Variants in KLF12 observed in about 807,000 individuals in gnomAD.
KLF12 encodes Krueppel-like factor 12.
KLF12 carries 9 observed loss-of-function variants against 37.8 expected under a neutral mutation model. The observed-to-expected ratio is 0.24, with a 90% confidence interval of 0.14 to 0.42. The LOEUF (loss-of-function observed/expected upper bound fraction) is 0.42, where lower values mean the gene tolerates loss of function less well. KLF12 is among the 10% of genes least tolerant of loss of function. The pLI, the probability that KLF12 is intolerant of heterozygous loss-of-function variation, is 1.00. For synonymous variants in KLF12, 208 were observed against 202.1 expected (o/e 1.03, Z -0.25); for missense variants, 411 against 516.0 (o/e 0.80, Z 1.97).
At chr13:73,718,101 C>T (rs1381254886) in intron 6 of KLF12, among the ~76,000 whole-genome samples, 2 of 152,174 alleles carry the variant, frequency 1.3e-5, no homozygotes, top group Non-Finnish European at 2.9e-5. Context: ...ATTTTCCACA[C>T]ATGAATATAA....
chr13:73,862,132 CT>C (rs1389853967), intron 3 of KLF12, among the ~76,000 whole-genome samples: 1 of 150,100 alleles, frequency 6.7e-6, no homozygotes, highest in Non-Finnish European at 1.5e-5. Flanking sequence ...CAGTTGTGAT[CT>C]CTAAATTCAC....
At chr13:73,871,235 A>C (rs141903941) in intron 3 of KLF12, among the ~76,000 whole-genome samples, 62 of 152,290 alleles carry the variant, frequency 4.1e-4, no homozygotes, top group East Asian at 7.7e-4. Flanking sequence ...TAGTACTCGC[A>C]ACAGCAGCAG....
At chr13:73,979,830 T>C (rs888189491) in intron 2 of KLF12, among the ~76,000 whole-genome samples, 6 of 152,278 alleles carry the variant, frequency 3.9e-5, no homozygotes, top group Non-Finnish European at 2.9e-5. Flanking sequence ...TATTTAGAGA[T>C]AGGGACTTCA....
At chr13:74,215,399 C>T in the KLF12 span, among the ~76,000 whole-genome samples, 1 of 147,324 alleles carries the variant, frequency 6.8e-6, no homozygotes, top group African/African-American at 2.5e-5. Flanking sequence ...TTAAAACAAC[C>T]CTACCATATT....
At chr13:73,697,682 A>G (rs1874247423) in intron 7 of KLF12, among the ~76,000 whole-genome samples, 1 of 152,200 alleles carries the variant, frequency 6.6e-6, no homozygotes, top group Non-Finnish European at 1.5e-5. Context: ...GAGCTGAGCT[A>G]GTTGGATGTT....
intron 3 of KLF12, among the ~76,000 whole-genome samples, chr13:73,899,768 T>TAAGG (rs1887954999): frequency 6.6e-6 from 1 of 152,176 alleles, no homozygotes; most frequent in South Asian, 2.1e-4. Context: ...CTCCAGGTTC[T>TAAGG]CTGGCCTTTG....
chr13:74,113,730 A>G lies in KLF12; in HGVS notation c.-32+20009T>C, dbSNP rs1877117005. The stretch of plus-strand genomic sequence containing the variant: ...ACAACATCCTTTCTGCAGCCCAAGG[A>G]TCAAGGAGTTACCTCAACTTTCCTT... On this transcript the variant is annotated intron_variant, in intron 1 of 7. Coordinates refer to ENST00000377669, the MANE Select transcript of KLF12 (RefSeq NM_007249.5). Among the ~76,000 whole-genome samples the G allele has an allele frequency of 2.6e-5, 4 of 152,228 alleles. No homozygotes were observed. In the South Asian group the frequency reaches 8.3e-4, roughly 31 times the overall value.
intron 5 of KLF12, among the ~76,000 whole-genome samples, chr13:73,784,388 C>T (rs1881173487): frequency 6.6e-6 from 1 of 152,230 alleles, no homozygotes; most frequent in East Asian, 1.9e-4. Flanking sequence ...CACATCACTT[C>T]TCTATAAACC....
At chr13:73,788,695 TCA>T (rs2138250045) in intron 5 of KLF12, among the ~76,000 whole-genome samples, 2 of 152,282 alleles carry the variant, frequency 1.3e-5, no homozygotes, top group Non-Finnish European at 2.9e-5. Flanking sequence ...TGCTTTTATC[TCA>T]GTTTTCATTT....
chr13:74,022,112 A>G (rs1021479834), intron 1 of KLF12, among the ~76,000 whole-genome samples: 3 of 152,172 alleles, frequency 2.0e-5, no homozygotes, highest in Non-Finnish European at 4.4e-5. Flanking sequence ...TACTGTCATT[A>G]TGAAGGAAAT....
intron 3 of KLF12, among the ~76,000 whole-genome samples, chr13:73,897,199 T>TA (rs1371726155): frequency 1.9e-4 from 27 of 139,908 alleles, no homozygotes; most frequent in East Asian, 5.8e-4. Context: ...GATGAAAAAT[T>TA]TAAAAAAAAA....
intron 1 of KLF12, among the ~76,000 whole-genome samples, chr13:73,995,638 C>T (rs1892091990): frequency 6.6e-6 from 1 of 152,036 alleles, no homozygotes; most frequent in Non-Finnish European, 1.5e-5. Flanking sequence ...TAATATATGT[C>T]CCTTCTTTTA....
At chr13:73,979,368 CACA>C (rs1314687025) in intron 2 of KLF12, among the ~76,000 whole-genome samples, 1 of 150,052 alleles carries the variant, frequency 6.7e-6, no homozygotes, top group East Asian at 1.9e-4. Flanking sequence ...CACACACACA[CACA>C]CACACACACA....
At chr13:73,970,795 T>C (rs954977835) in intron 2 of KLF12, among the ~76,000 whole-genome samples, 1 of 152,226 alleles carries the variant, frequency 6.6e-6, no homozygotes, top group African/African-American at 2.4e-5. Flanking sequence ...TTCTTCAATG[T>C]ACCCAAATAA....
At chr13:73,983,933 A>G (rs1215535712) in intron 2 of KLF12, among the ~76,000 whole-genome samples, 1 of 152,204 alleles carries the variant, frequency 6.6e-6, no homozygotes, top group African/African-American at 2.4e-5. Context: ...GTGGTATTCT[A>G]GGGCAGATGA....
intron 5 of KLF12, among the ~76,000 whole-genome samples, chr13:73,807,255 GC>G (rs1314646227): frequency 2.0e-5 from 3 of 151,828 alleles, no homozygotes; most frequent in Admixed American, 2.0e-4. Flanking sequence ...GTTGCAGTGA[GC>G]CGAGATCGTG....
At chr13:73,812,944 C>G (rs1883020887) in intron 5 of KLF12, 1 of 534,284 alleles carries the variant, frequency 1.9e-6, no homozygotes, top group Non-Finnish European at 3.3e-6. Flanking sequence ...GGTCTTATAT[C>G]TCATCAAAGC....
At chr13:73,734,949 A>G (rs1877340085) in intron 6 of KLF12, among the ~76,000 whole-genome samples, 1 of 151,950 alleles carries the variant, frequency 6.6e-6, no homozygotes, top group Non-Finnish European at 1.5e-5. Context: ...GTAATACTCA[A>G]CAGTTTGGAG....
intron 1 of KLF12, among the ~76,000 whole-genome samples, chr13:74,074,838 AAGAC>A (rs1874473776): frequency 6.6e-6 from 1 of 152,244 alleles, no homozygotes; most frequent in South Asian, 2.1e-4. Context: ...AAAGGGGAAA[AAGAC>A]AGACAAATGA....
Sources: gnomAD v4.1 joint callset for allele counts (sites outside exome capture counted in the v4.1 genomes callset) on GRCh38, gnomAD v4.1.1 for gene constraint, MANE v1.5 for transcripts, NCBI Gene and HGNC (gene_info 2026-07-23, HGNC 2026-07-21) for gene names.